NSUN6: variants seen among roughly 807,000 people sequenced by gnomAD.
The protein encoded by NSUN6 is tRNA (cytosine(72)-C(5))-methyltransferase NSUN6.
A neutral mutation model predicts 58.0 loss-of-function variants in NSUN6; 64 were observed. The ratio of observed to expected loss-of-function variants is 1.10; its 90% confidence interval spans 0.90 to 1.36. The LOEUF (loss-of-function observed/expected upper bound fraction) is 1.36. Among genes scored for constraint, NSUN6 ranks in the 40% most tolerant of loss-of-function variants. The probability of loss-of-function intolerance (pLI) is 0.00; values close to 1 mark genes in which losing one functional copy is unlikely to be tolerated. For missense variants in NSUN6, 701 were observed against 550.1 expected, an observed-to-expected ratio of 1.27 and a Z score of -2.74; for synonymous variants, 231 against 193.9, an observed-to-expected ratio of 1.19 and a Z score of -1.59.
chr10:18,626,142 G>T (rs904835448), intron 3 of NSUN6, among the ~76,000 whole-genome samples: 8 of 151,610 alleles, frequency 5.3e-5, no homozygotes, highest in Non-Finnish European at 8.8e-5. Context: ...TAAGAAATGA[G>T]AAATAAACTG....
At chr10:18,649,335 A>G (rs1489346791) in intron 1 of NSUN6, among the ~76,000 whole-genome samples, 2 of 152,174 alleles carry the variant, frequency 1.3e-5, no homozygotes, top group African/African-American at 2.4e-5. Context: ...CCTGCTTTAC[A>G]GAATCTTCAC....
At chr10:18,580,523 C>T (rs1298968926) in intron 8 of NSUN6, among the ~76,000 whole-genome samples, 2 of 152,184 alleles carry the variant, frequency 1.3e-5, no homozygotes, top group African/African-American at 4.8e-5. Flanking sequence ...CTATCTTCCT[C>T]CACCCAGCCC....
chr10:18,583,781 G>T (rs1353607143), intron 8 of NSUN6, among the ~76,000 whole-genome samples: 1 of 152,130 alleles, frequency 6.6e-6, no homozygotes, highest in Non-Finnish European at 1.5e-5. Flanking sequence ...AGAAAAAAAT[G>T]AGCATACTTG....
In NSUN6 at chr10:18,610,593, C is replaced by T. The variant is rs566260631; in HGVS notation, c.576-667G>A. Among the ~76,000 whole-genome samples, 12 of 152,270 alleles carry T rather than the reference C, an allele frequency of 7.9e-5. No individual in the cohort carries two copies. In the East Asian group the frequency reaches 1.5e-3, roughly 20 times the overall value. On this transcript the variant is annotated intron_variant, in intron 5 of 10. Transcript: ENST00000377304. ...AATAATTGCCTGGTACTGACACAAT[C>T]CCAAGGATAACCTTTTCCACCTTTG...
intron 3 of NSUN6, among the ~76,000 whole-genome samples, chr10:18,632,667 A>G (rs2059074955): frequency 6.6e-6 from 1 of 152,242 alleles, no homozygotes; most frequent in African/African-American, 2.4e-5. Context: ...GCTCACCATC[A>G]CTGGCCATCA....
intron 3 of NSUN6, among the ~76,000 whole-genome samples, chr10:18,624,508 T>C (rs2058718427): frequency 6.6e-6 from 1 of 150,888 alleles, no homozygotes; most frequent in South Asian, 2.1e-4. Context: ...AAAAAAAAAT[T>C]AGCCGGGCAT....
intron 3 of NSUN6, among the ~76,000 whole-genome samples, chr10:18,629,197 C>G (rs2058939268): frequency 6.6e-6 from 1 of 152,122 alleles, no homozygotes; most frequent in Non-Finnish European, 1.5e-5. Context: ...TACAGACAAG[C>G]AAATGCTGAG....
At chr10:18,623,606 G>C (rs2058685411) in intron 3 of NSUN6, among the ~76,000 whole-genome samples, 1 of 152,176 alleles carries the variant, frequency 6.6e-6, no homozygotes, top group South Asian at 2.1e-4. Flanking sequence ...GTTCAGAGGA[G>C]ACAAGTGTGA....
intron 8 of NSUN6, among the ~76,000 whole-genome samples, chr10:18,567,466 T>C (rs1799649058): frequency 6.6e-6 from 1 of 150,840 alleles, no homozygotes; most frequent in South Asian, 2.1e-4. Flanking sequence ...TTCCATTCCA[T>C]TCTCCATACC....
At chr10:18,648,132 A>T (rs2059603359) in intron 2 of NSUN6, among the ~76,000 whole-genome samples, 1 of 152,060 alleles carries the variant, frequency 6.6e-6, no homozygotes, top group Non-Finnish European at 1.5e-5. Context: ...CAGCTATACC[A>T]TCTGTCCTCC....
upstream of NSUN6, chr10:18,652,324 A>G (rs2059723808): frequency 2.0e-6 from 2 of 984,408 alleles, no homozygotes; most frequent in Non-Finnish European, 2.4e-6. Flanking sequence ...AGGAAAGTCA[A>G]AATAATTCTA....
chr10:18,626,408 G>C (rs1480464003), intron 3 of NSUN6, among the ~76,000 whole-genome samples: 2 of 152,120 alleles, frequency 1.3e-5, no homozygotes, highest in South Asian at 2.1e-4. Flanking sequence ...ATACAAATTA[G>C]CTGGTAAAAT....
chr10:18,647,725 GTTTTTTTT>G (rs571301351), intron 2 of NSUN6, among the ~76,000 whole-genome samples: 3 of 100,094 alleles, frequency 3.0e-5, no homozygotes, highest in Admixed American at 1.1e-4. Flanking sequence ...TCAACACCTT[GTTTTTTTT>G]TTTTTTTTTT....
intron 3 of NSUN6, among the ~76,000 whole-genome samples, chr10:18,625,085 C>T (rs1237114773): frequency 1.3e-5 from 2 of 152,148 alleles, no homozygotes; most frequent in Admixed American, 1.3e-4. Context: ...TAAGCATGTC[C>T]TATGGGACCT....
At chr10:18,613,639 A>G (rs2058313430) in intron 5 of NSUN6, among the ~76,000 whole-genome samples, 1 of 152,236 alleles carries the variant, frequency 6.6e-6, no homozygotes, top group African/African-American at 2.4e-5. Flanking sequence ...AGCCTTCTAA[A>G]AAGAATAAAA....
chr10:18,617,189 T>G (rs1322843654), intron 3 of NSUN6, among the ~76,000 whole-genome samples: 5 of 150,450 alleles, frequency 3.3e-5, no homozygotes, highest in Non-Finnish European at 7.4e-5. Flanking sequence ...TTTCTAGTTT[T>G]TTTTTTTTTT....
chr10:18,658,848 C>T (rs904879264), upstream of NSUN6, among the ~76,000 whole-genome samples: 4 of 152,150 alleles, frequency 2.6e-5, no homozygotes, highest in African/African-American at 9.7e-5. Flanking sequence ...ATCGATCAAT[C>T]AATCAATGAG....
chr10:18,568,699 T>C (rs1205458846), intron 8 of NSUN6, among the ~76,000 whole-genome samples: 1 of 151,140 alleles, frequency 6.6e-6, no homozygotes, highest in Non-Finnish European at 1.5e-5. Flanking sequence ...TTCCCTTCCA[T>C]TCTCCACTCC....
At chr10:18,552,980 C>T (rs1013363067) in intron 8 of NSUN6, among the ~76,000 whole-genome samples, 1 of 151,920 alleles carries the variant, frequency 6.6e-6, no homozygotes, top group South Asian at 2.1e-4. Flanking sequence ...CCATTCCATT[C>T]CATTCCATTC....
Sources: allele counts gnomAD v4.1 joint callset (sites outside exome capture counted in the v4.1 genomes callset), GRCh38; gene constraint gnomAD v4.1.1; transcripts MANE v1.5; gene names NCBI Gene and HGNC (gene_info 2026-07-23, HGNC 2026-07-21).